The following ATG2A variants were observed in gnomAD, a reference collection of about 807,000 sequenced individuals.
ATG2A encodes autophagy related 2A, also known as autophagy-related protein 2 homolog A.
A neutral mutation model predicts 214.2 loss-of-function variants in ATG2A; 103 were observed. That is an observed-to-expected ratio of 0.48 (90% confidence interval 0.41 to 0.57). The LOEUF (loss-of-function observed/expected upper bound fraction) is 0.57. Among genes scored for constraint, ATG2A ranks in the 20% least tolerant of loss-of-function variants. The pLI, the probability that ATG2A is intolerant of heterozygous loss-of-function variation, is 0.00. For missense variants in ATG2A, 2,312 were observed against 2,613.2 expected (o/e 0.88, Z 2.51); for synonymous variants, 1,160 against 1,142.1 (o/e 1.02, Z -0.32).
chr11:64,913,162 GA>G lies in ATG2A; in HGVS notation c.727-27del. On this transcript the variant is annotated intron_variant, in intron 5 of 40. Transcript: ENST00000377264. This position sits in a 1 kb window ranked among gnomAD's most constrained non-coding sequence, Gnocchi z 4.3. ...CTGGGAGACGGGAGGATACAAGAGG[GA>G]AAGGTTGAGAAAATGGAGTCAGAGA... 1 of 1,594,936 alleles carries G rather than the reference GA, an allele frequency of 6.3e-7. No homozygotes were observed. The highest frequency in any genetic ancestry group is 8.6e-7 in the Non-Finnish European group (1 of 1,169,316).
At chr11:64,897,094 C>T (rs1944180460) in intron 37 of ATG2A, 8 of 683,310 alleles carry the variant, frequency 1.2e-5, no homozygotes, top group South Asian at 4.1e-5. Context: ...GATCTTGGCT[C>T]ACTGCAACCG....
rs1428857103 is a variant in ATG2A at position 64,900,940 on chromosome 11, G to A, written c.4272C>T (p.Val1424=). ...CCCCATAGAGGTGCCAGACGAGGGA[G>A]ACCTCACGTAGCACCACCCGAGTGC... The part of the protein sequence containing the change: ...VPSTRVVLRE[V]SLVWHLYGGR... The change falls in exon 30 of 41, where the codon GTC becomes GTT. Residue 1424 remains valine (V), a synonymous_variant. Coordinates refer to ENST00000377264, the MANE Select transcript of ATG2A (RefSeq NM_015104.3). The A allele has an allele frequency of 3.2e-6, 5 of 1,579,288 alleles. No homozygotes were observed. The African/African-American group carries it at 4.1e-5, about 13-fold the overall frequency.
intron 16 of ATG2A, among the ~76,000 whole-genome samples, chr11:64,908,254 C>T (rs888991982): frequency 6.6e-6 from 1 of 152,072 alleles, no homozygotes; most frequent in Non-Finnish European, 1.5e-5. Context: ...CCTGTCTCTA[C>T]TAAAAATACA....
rs534477794 is a variant in ATG2A, at chr11:64,910,646, G to T, written c.1677C>A (p.Arg559=). Residue 559 remains arginine, a synonymous_variant, in exon 12 of 41, where the codon CGC becomes CGA. Transcript: ENST00000377264. ...GCACACGGCGCAGGATCTGTGTGTG[G>T]CGCAGATGGGCGCAGGGCCGAGCTG... ...QASARPCAHL[R]HTQILRRVPK... The T allele has an allele frequency of 1.7e-5, 28 of 1,607,792 alleles. No individual in the cohort carries two copies. The South Asian group carries it at 3.0e-4, about 17-fold the overall frequency.
At chr11:64,912,461 C>A (rs1299853711) in intron 6 of ATG2A, 38 bp from the exon 7 acceptor site, 1 of 1,501,690 alleles carries the variant, frequency 6.7e-7, no homozygotes, top group East Asian at 2.5e-5. Flanking sequence ...CCTAGGCCCA[C>A]CACCCAGCTC....
At position 64,911,182 on chromosome 11, in the gene ATG2A, G is replaced by A. The variant is rs936436605; in HGVS notation, c.1322C>T (p.Thr441Met). 10 of 1,614,026 alleles carry A rather than the reference G, an allele frequency of 6.2e-6. No individual in the cohort carries two copies. Among genetic ancestry groups the A allele is most frequent in the Admixed American group, 3.3e-5 (2 of 60,004 alleles). Residue 441 changes from threonine (T) to methionine (M), a missense_variant, in exon 10 of 41, where the codon ACG becomes ATG. Transcript: ENST00000377264. ...AGGTGGTCCGGAAGATGGGGCAGAC[G>A]TCTGAAGCAAGGTCAGGGTCACACC... ...LGGVTLTLLQ[T>M]SAPSSGPPDL...
intron 29 of ATG2A, among the ~76,000 whole-genome samples, chr11:64,901,534 C>T (rs1044521930): frequency 4.6e-5 from 7 of 152,024 alleles, no homozygotes; most frequent in African/African-American, 1.5e-4. Flanking sequence ...TGCTATCACC[C>T]GAGTCTATGC....
At position 64,902,539 on chromosome 11, in the gene ATG2A, G is replaced by C. The variant is rs1188232252; in HGVS notation, c.3754C>G (p.Pro1252Ala). ...DLHPPPRPPS[P>A]TEIAGQKLSE... The stretch of plus-strand genomic sequence containing the variant: ...ACCTTCTGGCCGGCGATCTCCGTGG[G>C]GCTGGGGGGCCGGGGTGGGGGGTGC... Residue 1252 changes from proline to alanine, a missense_variant, in exon 27 of 41, where the codon CCC (proline) becomes GCC (alanine). Pro to Ala is a conservative substitution (Grantham distance 27). Coordinates refer to ENST00000377264, the MANE Select transcript of ATG2A (RefSeq NM_015104.3). 2 of 1,545,174 alleles carry C rather than the reference G, an allele frequency of 1.3e-6. No individual in the cohort carries two copies. The highest frequency in any genetic ancestry group is 2.4e-5 in the South Asian group (2 of 83,950).
At position 64,909,038 on chromosome 11, in the gene ATG2A, C is replaced by T; in HGVS notation, c.2317G>A (p.Glu773Lys). ...VESPCELREP[E>K]PSPFSSKRTM... is the part of the protein sequence containing the mutation. ...CTCTTAGAGGAGAAGGGCGAGGGCT[C>T]AGGTTCCCGCAGCTCACAGGGACTC... Residue 773 changes from glutamate (E) to lysine (K), a missense_variant, in exon 16 of 41, where the codon GAG (glutamate) becomes AAG (lysine). Transcript: ENST00000377264. 6.2e-7 allele frequency: 1 copy of T among 1,612,336 alleles called. No individual in the cohort carries two copies. Among genetic ancestry groups the T allele is most frequent in the South Asian group, 1.1e-5 (1 of 90,830 alleles).
chr11:64,910,189 G>T lies in ATG2A; in HGVS notation c.1714C>A (p.Pro572Thr), dbSNP rs373750405. 1 of 1,599,730 alleles carries T rather than the reference G, an allele frequency of 6.3e-7. No homozygotes were observed. Among genetic ancestry groups the T allele is most frequent in the African/African-American group, 1.3e-5 (1 of 74,558 alleles). Residue 572 changes from proline to threonine, a missense_variant, in exon 13 of 41, where the codon CCC (proline) becomes ACC (threonine). Pro to Thr is a conservative substitution (Grantham distance 38, BLOSUM62 -1). Transcript: ENST00000377264. Reference protein sequence around the residue: ...QILRRVPKSRPRRSVACHCHS... With the variant: ...QILRRVPKSRTRRSVACHCHS... Reference sequence around the variant, plus strand: ...CAATGGCAGGCAACTGAGCGCCGGGGTCGGCTCTGAGGGCGAGGGCGTTCA... The same window carrying T: ...CAATGGCAGGCAACTGAGCGCCGGGTTCGGCTCTGAGGGCGAGGGCGTTCA...
Position 64,905,518 on chromosome 11 carries a change from G to A in ATG2A, c.3464+45C>T, listed in dbSNP as rs754024078. On this transcript the variant is annotated intron_variant, in intron 24 of 40. Transcript: ENST00000377264. ...GGACACACAGCTGGCAGGCAGCTTC[G>A]GCCCGGCGAGGGTGGGATGGCCCAG... The A allele has an allele frequency of 7.7e-6, 12 of 1,562,638 alleles. No individual in the cohort carries two copies. In the African/African-American group the frequency reaches 1.1e-4, roughly 14 times the overall value.
chr11:64,896,879 C>G lies in ATG2A; in HGVS notation c.5151-10G>C. 6.2e-7 allele frequency: 1 copy of G among 1,612,940 alleles called. No individual in the cohort carries two copies. Among genetic ancestry groups the G allele is most frequent in the Non-Finnish European group, 8.5e-7 (1 of 1,179,106 alleles). ...GTCCACACCCAGGAGCCTGGCAGGG[C>G]AGGGAGGTGAGGAGGCAGAAGGTGA... On this transcript the variant is annotated splice_polypyrimidine_tract_variant and intron_variant, in intron 37 of 40. Transcript: ENST00000377264.
At position 64,898,958 on chromosome 11, in the gene ATG2A, G is replaced by A. The variant is rs1565742160; in HGVS notation, c.4465-116C>T. ...AGACAGAGTCTCACTCTGTCGCCCA[G>A]GTTGGAGTGCAGTGGCGTGATCTCG... On this transcript the variant is annotated intron_variant, in intron 31 of 40. Coordinates refer to ENST00000377264, the MANE Select transcript of ATG2A (RefSeq NM_015104.3). The surrounding 1 kb of genome is among the most constrained non-coding windows in gnomAD (Gnocchi z 4.5). 9.9e-7 allele frequency: 1 copy of A among 1,010,866 alleles called. No individual in the cohort carries two copies. Among genetic ancestry groups the A allele is most frequent in the Non-Finnish European group, 1.4e-6 (1 of 694,010 alleles). 62.6% of individuals were successfully genotyped at this position (1,010,866 alleles called of 1,614,324 possible). A position where few individuals can be genotyped will look rare whatever the true frequency, so the allele number is the denominator to read the frequency against.
intron 31 of ATG2A, among the ~76,000 whole-genome samples, chr11:64,899,995 A>C (rs993663544): frequency 6.7e-6 from 1 of 148,520 alleles, no homozygotes; most frequent in Admixed American, 6.7e-5. Flanking sequence ...AGTAGCTGGG[A>C]CTATAGGCAC....
rs1944151804 is a variant in ATG2A, at chr11:64,896,402, T to C, written c.5427+60A>G. ...CTTTGAGGACAGAACCAGGGAGCTG[T>C]GGTGCAGAGGGCTCCAGCTGCTCTG... On this transcript the variant is annotated intron_variant, in intron 39 of 40. Transcript: ENST00000377264. 11 of 1,538,566 alleles carry C rather than the reference T, an allele frequency of 7.1e-6. No homozygotes were observed. The South Asian group carries it at 1.3e-4, about 19-fold the overall frequency.
rs1944436531 is a variant in ATG2A at position 64,903,608 on chromosome 11, T to C, written c.3517A>G (p.Thr1173Ala). Residue 1173 changes from threonine to alanine, a missense_variant, in exon 25 of 41, where the codon ACC (threonine) becomes GCC (alanine). Thr to Ala is a moderately conservative substitution (Grantham distance 58). Transcript: ENST00000377264. This position sits in a 1 kb window ranked among gnomAD's most constrained non-coding sequence, Gnocchi z 4.2. The stretch of plus-strand genomic sequence containing the variant: ...TGCCCACCTCGCCGCAGGTCCAGGG[T>C]CTCCACCTCACACTTGTCGGACAGG... Reference protein sequence around the residue: ...LYLSDKCEVETLDLRRDYVCV... With the variant: ...LYLSDKCEVEALDLRRDYVCV... 5 of 1,549,460 alleles carry C rather than the reference T, an allele frequency of 3.2e-6. 1 individual carries two copies. The highest frequency in any genetic ancestry group is 2.4e-5 in the South Asian group (2 of 84,056).
rs1442229389 is a variant in ATG2A at position 64,910,018 on chromosome 11, G to C, written c.1863+22C>G. 1.9e-6 allele frequency: 3 copies of C among 1,559,762 alleles called. No individual in the cohort carries two copies. The Admixed American group carries it at 5.3e-5, about 28-fold the overall frequency. The stretch of plus-strand genomic sequence containing the variant: ...CAGGCCCTGCACCCACCCCCGGCCT[G>C]GCCCTGGCAGGGGCCTCTCACCAGC... On this transcript the variant is annotated intron_variant, in intron 13 of 40. Transcript: ENST00000377264.
At position 64,898,601 on chromosome 11, in the gene ATG2A, C is replaced by G. The variant is rs1374826518; in HGVS notation, c.4671+35G>C. 1 of 1,602,650 alleles carries G rather than the reference C, an allele frequency of 6.2e-7. No homozygotes were observed. On this transcript the variant is annotated intron_variant, in intron 32 of 40. Coordinates refer to ENST00000377264, the MANE Select transcript of ATG2A (RefSeq NM_015104.3). This position sits in a 1 kb window ranked among gnomAD's most constrained non-coding sequence, Gnocchi z 4.5. ...AGATGTATCCCCAACGGTCTGGTGC[C>G]CTGCCCCAGGGTGGATGGTGCAGGT... is the stretch of plus-strand genomic sequence containing the variant.
rs753268855 is a variant in ATG2A at position 64,911,050 on chromosome 11, C to T, written c.1454G>A (p.Cys485Tyr). 6.8e-6 allele frequency: 11 copies of T among 1,613,850 alleles called. No individual in the cohort carries two copies. In the African/African-American group the frequency reaches 8.0e-5, roughly 12 times the overall value. The change falls in exon 10 of 41, where the codon TGT becomes TAT. Residue 485 changes from cysteine (C) to tyrosine (Y), a missense_variant. Transcript: ENST00000377264. ...LRPRFQRACP[C>Y]SHVRLTGTAV... ...CTCGGGCTTATACCGAACATGGCTA[C>T]AGGGACAGGCCCTCTGGAAGCGTGG... is the stretch of plus-strand genomic sequence containing the variant.
Sources: gnomAD v4.1 joint callset for allele counts (sites outside exome capture counted in the v4.1 genomes callset) on GRCh38, gnomAD v4.1.1 for gene constraint, Gnocchi (gnomAD v3.1) non-coding constraint, MANE v1.5 for transcripts, NCBI Gene and HGNC (gene_info 2026-07-23, HGNC 2026-07-21) for gene names.